The following AFF3 variants were observed in gnomAD, a reference collection of about 807,000 sequenced individuals.
AFF3 encodes AF4/FMR2 family member 3.
In AFF3, 32 loss-of-function variants were observed where a neutral mutation model predicts 129.7. The ratio of observed to expected loss-of-function variants is 0.25; its 90% confidence interval spans 0.19 to 0.33. The LOEUF (loss-of-function observed/expected upper bound fraction) is 0.33. Among genes scored for constraint, AFF3 ranks in the 10% least tolerant of loss-of-function variants. The pLI is 1.00. For missense variants in AFF3, 1,373 were observed against 1,592.0 expected, an observed-to-expected ratio of 0.86 and a Z score of 2.34; for synonymous variants, 644 against 635.4, an observed-to-expected ratio of 1.01 and a Z score of -0.20.
chr2:99,560,555 C>A (rs1412054872), intron 20 of AFF3, 119 bp from the exon 21 acceptor site: 2 of 907,282 alleles, frequency 2.2e-6, no homozygotes, highest in Non-Finnish European at 3.4e-6. Flanking sequence ...TGATCCTTAG[C>A]TTTTCATAGT....
At chr2:99,595,319 G>C (rs1279856332) in intron 14 of AFF3, among the ~76,000 whole-genome samples, 1 of 152,194 alleles carries the variant, frequency 6.6e-6, no homozygotes, top group Admixed American at 6.5e-5. Flanking sequence ...TTTTCAATTT[G>C]TGACTCTAAG....
At chr2:99,761,173 T>G (rs942218608) in intron 8 of AFF3, among the ~76,000 whole-genome samples, 1 of 150,928 alleles carries the variant, frequency 6.6e-6, no homozygotes, top group African/African-American at 2.5e-5. Context: ...AAGGGATACG[T>G]TCAGGTGACT....
At chr2:100,103,654 C>T (rs894182138) in intron 4 of AFF3, among the ~76,000 whole-genome samples, 1 of 151,974 alleles carries the variant, frequency 6.6e-6, no homozygotes, top group Non-Finnish European at 1.5e-5. Flanking sequence ...TGAGATCCCC[C>T]GAGAAACGGA....
At chr2:100,043,535 C>T (rs1255288620) in intron 4 of AFF3, among the ~76,000 whole-genome samples, 1 of 152,082 alleles carries the variant, frequency 6.6e-6, no homozygotes, top group Non-Finnish European at 1.5e-5. Context: ...AATAGTTTCA[C>T]TGCACTTGAA....
chr2:99,749,032 G>A (rs1182754453), intron 9 of AFF3, among the ~76,000 whole-genome samples: 1 of 152,182 alleles, frequency 6.6e-6, no homozygotes. Context: ...CTGTGTGTGT[G>A]TGTACACATA....
intron 4 of AFF3, among the ~76,000 whole-genome samples, chr2:100,047,145 C>T (rs1262667037): frequency 6.6e-6 from 1 of 152,238 alleles, no homozygotes; most frequent in Non-Finnish European, 1.5e-5. Flanking sequence ...CCAATGGCAC[C>T]CGTGCTGGAT....
Position 99,974,926 on chromosome 2 carries a change from T to C in AFF3, c.873+31706A>G, listed in dbSNP as rs149433477. 5.6e-3 allele frequency among the ~76,000 whole-genome samples: 850 copies of C among 152,278 alleles called. 8 individuals carry two copies. The highest frequency in any genetic ancestry group is 0.02 in the African/African-American group (821 of 41,562). ...GGTATGGCAGTGCAGCTCCGTGGCA[T>C]GGTGAAAGGAAGAAAACATCATCAG... On this transcript the variant is annotated intron_variant, in intron 7 of 24. Transcript: ENST00000672756.
chr2:100,128,905 T>C (rs1692309528), intron 2 of AFF3, among the ~76,000 whole-genome samples: 2 of 152,140 alleles, frequency 1.3e-5, no homozygotes, highest in South Asian at 4.1e-4. Context: ...AATTTGTATA[T>C]CCTTCCTGTG....
intron 11 of AFF3, among the ~76,000 whole-genome samples, chr2:99,716,383 T>G (rs1469756691): frequency 6.6e-6 from 1 of 152,144 alleles, no homozygotes; most frequent in Non-Finnish European, 1.5e-5. Flanking sequence ...AATCTTGGGT[T>G]CAAATCTTGG....
intron 8 of AFF3, among the ~76,000 whole-genome samples, chr2:99,776,788 C>T (rs1683935748): frequency 6.6e-6 from 1 of 152,144 alleles, no homozygotes; most frequent in South Asian, 2.1e-4. Context: ...CCATCTGGGG[C>T]TCAATGGTAG....
chr2:99,822,785 C>A (rs989524070), intron 8 of AFF3, among the ~76,000 whole-genome samples: 1 of 152,198 alleles, frequency 6.6e-6, no homozygotes, highest in African/African-American at 2.4e-5. Flanking sequence ...CATACGGTAA[C>A]TAGCCAACCT....
intron 11 of AFF3, among the ~76,000 whole-genome samples, chr2:99,719,181 T>C (rs1222310094): frequency 6.6e-6 from 1 of 151,860 alleles, no homozygotes; most frequent in Admixed American, 6.6e-5. Context: ...CCAGAAGCTT[T>C]TTCTGCATCT....
intron 4 of AFF3, among the ~76,000 whole-genome samples, chr2:100,021,010 A>C (rs1683545318): frequency 6.6e-6 from 1 of 152,076 alleles, no homozygotes; most frequent in African/African-American, 2.4e-5. Flanking sequence ...CCCAGTTTCT[A>C]TGTTATGGCT....
In AFF3 at chr2:99,923,006, T is replaced by C. The variant is rs541428104; in HGVS notation, c.873+83626A>G. ...TTCGTTCCTAGTGCAGCACCCGGAGTAGCAACCTTATAAATGTTTCTGATT... is the reference window on the plus strand; with the variant it reads ...TTCGTTCCTAGTGCAGCACCCGGAGCAGCAACCTTATAAATGTTTCTGATT... On this transcript the variant is annotated intron_variant, in intron 7 of 24. Coordinates refer to ENST00000672756, the MANE Select transcript of AFF3 (RefSeq NM_001386135.1). Among the ~76,000 whole-genome samples, 12 of 152,294 alleles carry C rather than the reference T, an allele frequency of 7.9e-5. No homozygotes were observed. The East Asian group carries it at 2.3e-3, about 29-fold the overall frequency.
chr2:99,971,294 A>C (rs757328624), intron 7 of AFF3, among the ~76,000 whole-genome samples: 5 of 152,118 alleles, frequency 3.3e-5, no homozygotes, highest in Non-Finnish European at 5.9e-5. Flanking sequence ...CCTAATTCAC[A>C]CATTTCCAAT....
At chr2:100,080,627 AG>A in intron 4 of AFF3, among the ~76,000 whole-genome samples, 1 of 152,290 alleles carries the variant, frequency 6.6e-6, no homozygotes, top group South Asian at 2.1e-4. Flanking sequence ...GCAAGACTCC[AG>A]AAAAAGAAAA....
At chr2:100,062,243 G>C (rs904944682) in intron 4 of AFF3, among the ~76,000 whole-genome samples, 2 of 152,340 alleles carry the variant, frequency 1.3e-5, no homozygotes, top group Admixed American at 6.5e-5. Flanking sequence ...GGTGGCTGCA[G>C]TTGGAGGGGC....
At chr2:99,916,670 A>T (rs1161491849) in intron 7 of AFF3, among the ~76,000 whole-genome samples, 1 of 152,174 alleles carries the variant, frequency 6.6e-6, no homozygotes, top group East Asian at 1.9e-4. Flanking sequence ...CCAGCAGGCC[A>T]GTGGCACACT....
At chr2:99,763,679 G>T (rs1426116515) in intron 8 of AFF3, among the ~76,000 whole-genome samples, 1 of 152,220 alleles carries the variant, frequency 6.6e-6, no homozygotes, top group Non-Finnish European at 1.5e-5. Context: ...AGCATAGGCT[G>T]CTAAAATGCC....
Sources: gnomAD v4.1 joint callset for allele counts (sites outside exome capture counted in the v4.1 genomes callset) on GRCh38, gnomAD v4.1.1 for gene constraint, MANE v1.5 for transcripts, NCBI Gene and HGNC (gene_info 2026-07-23, HGNC 2026-07-21) for gene names.